Variants in TOX observed in about 807,000 individuals in gnomAD.
TOX encodes the protein thymocyte selection-associated high mobility group box protein TOX.
A neutral mutation model predicts 53.7 loss-of-function variants in TOX; 11 were observed. That is an observed-to-expected ratio of 0.20 (90% CI 0.13 to 0.34). The LOEUF (loss-of-function observed/expected upper bound fraction) is 0.34. TOX is among the 10% of genes least tolerant of loss of function. The probability of loss-of-function intolerance (pLI) is 1.00; values close to 1 mark genes in which losing one functional copy is unlikely to be tolerated. For missense variants in TOX, 570 were observed against 664.6 expected, an observed-to-expected ratio of 0.86 and a Z score of 1.56; for synonymous variants, 225 against 245.3, an observed-to-expected ratio of 0.92 and a Z score of 0.77.
At chr8:58,948,652 G>A (rs1288426535) in intron 2 of TOX, among the ~76,000 whole-genome samples, 2 of 151,926 alleles carry the variant, frequency 1.3e-5, no homozygotes, top group African/African-American at 4.8e-5. Flanking sequence ...TGTTTAAAGG[G>A]GTAACTGAAG....
intron 1 of TOX, among the ~76,000 whole-genome samples, chr8:59,059,858 G>A (rs1803948768): frequency 6.6e-6 from 1 of 151,466 alleles, no homozygotes. Flanking sequence ...GTTCACATTA[G>A]TGTTGGGAAG....
At position 58,979,998 on chromosome 8, in the gene TOX, G is replaced by A. The variant is rs886136883; in HGVS notation, c.103-19990C>T. The stretch of plus-strand genomic sequence containing the variant: ...AAAAGATCCAGGAAGGACCTTTTGG[G>A]GATGATGAAAATGTTCTAAAAATGG... On this transcript the variant is annotated intron_variant, in intron 1 of 8. Coordinates refer to ENST00000361421, the MANE Select transcript of TOX (RefSeq NM_014729.3). Among the ~76,000 whole-genome samples the A allele has an allele frequency of 7.9e-5, 12 of 152,252 alleles. No homozygotes were observed. In the South Asian group the frequency reaches 8.3e-4, roughly 11 times the overall value.
rs1554545759 is a variant in TOX at position 59,092,265 on chromosome 8, T to TTATTTA, written c.102+26620_102+26621insTAAATA. ...AGACTCCATCTCATATATATATATT[T>TTATTTA]TATATATATATATATATTATATATA... On this transcript the variant is annotated intron_variant, in intron 1 of 8. Transcript: ENST00000361421. 2.7e-4 allele frequency among the ~76,000 whole-genome samples: 24 copies of TTATTTA among 89,930 alleles called. 1 individual carries two copies. Among genetic ancestry groups the TTATTTA allele is most frequent in the Non-Finnish European group, 3.9e-4 (22 of 56,306 alleles). 59.0% of individuals were successfully genotyped at this position (89,930 alleles called of 152,430 possible). A position where few individuals can be genotyped will look rare whatever the true frequency, so the allele number is the denominator to read the frequency against.
chr8:59,084,943 G>C (rs1236251172), intron 1 of TOX, among the ~76,000 whole-genome samples: 2 of 152,148 alleles, frequency 1.3e-5, no homozygotes, highest in Admixed American at 1.3e-4. Context: ...AAATGAAATG[G>C]ATATATCAAT....
intron 1 of TOX, among the ~76,000 whole-genome samples, chr8:59,056,858 T>C (rs865788992): frequency 6.6e-6 from 1 of 152,152 alleles, no homozygotes; most frequent in South Asian, 2.1e-4. Context: ...GATCTCTCCG[T>C]TTTAACTAGC....
At chr8:58,960,594 C>T (rs887357652) in intron 1 of TOX, among the ~76,000 whole-genome samples, 1 of 152,106 alleles carries the variant, frequency 6.6e-6, no homozygotes, top group African/African-American at 2.4e-5. Flanking sequence ...AATAAAAATA[C>T]ACAGGCACAA....
chr8:58,889,535 G>C (rs1811527699), intron 3 of TOX, among the ~76,000 whole-genome samples: 1 of 151,910 alleles, frequency 6.6e-6, no homozygotes, highest in Admixed American at 6.6e-5. Context: ...GGTAAGAATG[G>C]GATACTTTGC....
At chr8:59,051,419 T>TA (rs1002136665) in intron 1 of TOX, among the ~76,000 whole-genome samples, 1 of 152,124 alleles carries the variant, frequency 6.6e-6, no homozygotes, top group African/African-American at 2.4e-5. Flanking sequence ...GTAGAACAGA[T>TA]AACTTTAAAA....
chr8:58,954,505 G>C (rs1053528739), intron 2 of TOX, among the ~76,000 whole-genome samples: 3 of 152,206 alleles, frequency 2.0e-5, no homozygotes, highest in Non-Finnish European at 2.9e-5. Flanking sequence ...CTCACAATCA[G>C]GTGAGCAAGA....
At chr8:58,998,528 T>TA (rs1201710845) in intron 1 of TOX, among the ~76,000 whole-genome samples, 2 of 50,768 alleles carry the variant, frequency 3.9e-5, no homozygotes, top group Non-Finnish European at 7.7e-5. Context: ...TATATATATA[T>TA]ATATATATAT....
chr8:59,113,146 G>C (rs1385843207), intron 1 of TOX, among the ~76,000 whole-genome samples: 1 of 152,146 alleles, frequency 6.6e-6, no homozygotes, highest in African/African-American at 2.4e-5. Context: ...CTTACCTCAA[G>C]TGTAACCCAA....
chr8:59,047,362 G>C (rs1248145204), intron 1 of TOX, among the ~76,000 whole-genome samples: 3 of 149,112 alleles, frequency 2.0e-5, no homozygotes, highest in Non-Finnish European at 3.0e-5. Flanking sequence ...GACTACAGGC[G>C]CCCGCCACCA....
rs573382377 is a variant in TOX, at chr8:58,809,919, C to T, written c.1393-1650G>A. Among the ~76,000 whole-genome samples, 5 of 152,250 alleles carry T rather than the reference C, an allele frequency of 3.3e-5. No homozygotes were observed. The East Asian group carries it at 9.6e-4, about 29-fold the overall frequency. Reference sequence around the variant, plus strand: ...TGTTTTTCATAAGTAAAGTTTATTGCAGACTGTTTGATGCTACTGTTGGAA... The same window carrying T: ...TGTTTTTCATAAGTAAAGTTTATTGTAGACTGTTTGATGCTACTGTTGGAA... On this transcript the variant is annotated intron_variant, in intron 7 of 8. Coordinates refer to ENST00000361421, the MANE Select transcript of TOX (RefSeq NM_014729.3).
intron 3 of TOX, among the ~76,000 whole-genome samples, chr8:58,907,248 C>G (rs1811831333): frequency 6.6e-6 from 1 of 152,192 alleles, no homozygotes; most frequent in Non-Finnish European, 1.5e-5. Flanking sequence ...TCAAATGTGT[C>G]TTGTCCTTTG....
chr8:59,032,542 T>C (rs544773038), intron 1 of TOX, among the ~76,000 whole-genome samples: 1 of 152,340 alleles, frequency 6.6e-6, no homozygotes, highest in East Asian at 1.9e-4. Flanking sequence ...TTCCTCCTTC[T>C]TCACCTATAC....
At chr8:59,106,894 G>C (rs1245554098) in intron 1 of TOX, among the ~76,000 whole-genome samples, 1 of 152,092 alleles carries the variant, frequency 6.6e-6, no homozygotes, top group Admixed American at 6.5e-5. Flanking sequence ...AAATGAAAAT[G>C]TGTCAAAAAG....
intron 5 of TOX, among the ~76,000 whole-genome samples, chr8:58,832,373 T>TA (rs1810475642): frequency 6.6e-6 from 1 of 152,124 alleles, no homozygotes; most frequent in South Asian, 2.1e-4. Context: ...TCCTAGTTTT[T>TA]AAAAAATTGG....
chr8:59,106,247 T>C (rs1342794735), intron 1 of TOX, among the ~76,000 whole-genome samples: 7 of 140,248 alleles, frequency 5.0e-5, no homozygotes, highest in Admixed American at 1.5e-4. Flanking sequence ...AGAAAGGCAA[T>C]TGACCTCAGT....
At chr8:59,091,814 T>C (rs1804612077) in intron 1 of TOX, among the ~76,000 whole-genome samples, 1 of 152,200 alleles carries the variant, frequency 6.6e-6, no homozygotes, top group Non-Finnish European at 1.5e-5. Flanking sequence ...GATTTCACCA[T>C]GCTAGGTCAG....
Sources: allele counts gnomAD v4.1 joint callset (sites outside exome capture counted in the v4.1 genomes callset), GRCh38; gene constraint gnomAD v4.1.1; transcripts MANE v1.5; gene names NCBI Gene and HGNC (gene_info 2026-07-23, HGNC 2026-07-21).